GPC3: variants seen among roughly 807,000 people sequenced by gnomAD.
The protein encoded by GPC3 is glypican-3.
In GPC3, 3 loss-of-function variants were observed where a neutral mutation model predicts 34.4. The observed-to-expected ratio is 0.09, with a 90% confidence interval of 0.04 to 0.23. GPC3 has a LOEUF of 0.23. Among genes scored for constraint, GPC3 ranks in the 10% least tolerant of loss-of-function variants. GPC3 has a pLI of 1.00. For missense variants in GPC3, 351 were observed against 445.6 expected, an observed-to-expected ratio of 0.79 and a Z score of 1.91; for synonymous variants, 177 against 174.0, an observed-to-expected ratio of 1.02 and a Z score of -0.13.
intron 2 of GPC3, among the ~76,000 whole-genome samples, chrX:133,839,304 T>G (rs1461706029): frequency 2.7e-5 from 3 of 111,763 alleles, no homozygotes; most frequent in Non-Finnish European, 5.6e-5. Flanking sequence ...AAGCATGCCT[T>G]GCAGGAAGAC....
intron 2 of GPC3, among the ~76,000 whole-genome samples, chrX:133,800,524 T>C (rs2075604010): frequency 8.9e-6 from 1 of 112,055 alleles, no homozygotes; most frequent in South Asian, 3.8e-4. Flanking sequence ...AGGAGACGGG[T>C]AGTAACTTGA....
At chrX:133,835,975 TCACAGCCCA>T (rs2124547445) in intron 2 of GPC3, among the ~76,000 whole-genome samples, 1 of 112,858 alleles carries the variant, frequency 8.9e-6, no homozygotes, top group East Asian at 2.8e-4. Flanking sequence ...CCACAAAGTC[TCACAGCCCA>T]TCAGTGGCGG....
At chrX:133,773,586 G>A (rs1300258041) in intron 2 of GPC3, among the ~76,000 whole-genome samples, 1 of 111,697 alleles carries the variant, frequency 9.0e-6, no homozygotes, top group Admixed American at 9.5e-5. Context: ...ACTAGTGACA[G>A]TTATTTCTCC....
intron 2 of GPC3, among the ~76,000 whole-genome samples, chrX:133,824,059 TA>T (rs145090566): frequency 0.022 from 1,923 of 87,604 alleles, 25 homozygotes; most frequent in Middle Eastern, 0.031. Flanking sequence ...CTAAAAACAC[TA>T]AAAAAAAAAT....
chrX:133,945,236 C>A (rs753670501), intron 2 of GPC3, among the ~76,000 whole-genome samples: 2 of 110,954 alleles, frequency 1.8e-5, no homozygotes, highest in East Asian at 5.7e-4. Flanking sequence ...ACAAAAAATG[C>A]AAAAATTAGC....
chrX:133,740,785 A>G (rs1454671925), intron 3 of GPC3, among the ~76,000 whole-genome samples: 1 of 111,301 alleles, frequency 9.0e-6, no homozygotes, highest in Admixed American at 9.5e-5. Context: ...AGTATTTTTT[A>G]AATACTTTTA....
chrX:133,681,298 A>C (rs146602049), intron 5 of GPC3, among the ~76,000 whole-genome samples: 5,002 of 111,597 alleles, frequency 0.045, 290 homozygotes, highest in African/African-American at 0.15. Context: ...GGTAATGGAA[A>C]AGGCATTCAA....
chrX:133,607,770 C>T (rs756266879), intron 6 of GPC3, among the ~76,000 whole-genome samples: 1 of 112,476 alleles, frequency 8.9e-6, no homozygotes, highest in Non-Finnish European at 1.9e-5. Context: ...CAGGTACCAT[C>T]TTTCCCCACA....
intron 1 of GPC3, among the ~76,000 whole-genome samples, chrX:133,979,448 C>G (rs2076529218): frequency 8.9e-6 from 1 of 111,783 alleles, no homozygotes; most frequent in African/African-American, 3.3e-5. Context: ...ACAAGTATTT[C>G]TAATAATTAA....
intron 7 of GPC3, among the ~76,000 whole-genome samples, chrX:133,574,353 A>G (rs2069658198): frequency 9.4e-6 from 1 of 106,717 alleles, no homozygotes; most frequent in Non-Finnish European, 2.0e-5. Flanking sequence ...TATTGAGAAA[A>G]AAAGAGAGAG....
At chrX:133,661,572 C>CTT (rs2070718843) in intron 6 of GPC3, among the ~76,000 whole-genome samples, 158 bp downstream of exon 6, 3 of 4,783 alleles carry the variant, frequency 6.3e-4, no homozygotes, top group African/African-American at 8.4e-4. Context: ...CTCTCTTTCT[C>CTT]TCTCTCTCTC....
At chrX:133,741,930 A>T (rs942884531) in intron 3 of GPC3, among the ~76,000 whole-genome samples, 19 of 113,184 alleles carry the variant, frequency 1.7e-4, no homozygotes, top group Admixed American at 1.7e-3. Flanking sequence ...TACAATGTAT[A>T]GTAGGTAATT....
intron 2 of GPC3, among the ~76,000 whole-genome samples, chrX:133,885,550 C>T (rs2076058322): frequency 9.0e-6 from 1 of 111,272 alleles, no homozygotes; most frequent in African/African-American, 3.3e-5. Context: ...TTAAAAGCAG[C>T]AAGTTAGAGG....
intron 2 of GPC3, among the ~76,000 whole-genome samples, chrX:133,846,107 G>A (rs771939722): frequency 3.6e-5 from 4 of 112,095 alleles, no homozygotes; most frequent in South Asian, 3.7e-4. Context: ...CAGCAAGGAT[G>A]TTTGCCTCAC....
intron 2 of GPC3, among the ~76,000 whole-genome samples, chrX:133,811,596 C>T (rs1388855987): frequency 9.0e-6 from 1 of 111,512 alleles, no homozygotes; most frequent in Non-Finnish European, 1.9e-5. Context: ...TATTTATATT[C>T]TGCTTAATGG....
intron 2 of GPC3, among the ~76,000 whole-genome samples, chrX:133,847,318 T>G (rs1452923268): frequency 8.9e-6 from 1 of 111,908 alleles, no homozygotes. Flanking sequence ...TAAAAAAAAA[T>G]GCTTAAAAAG....
chrX:133,764,281 T>G (rs1266544770), intron 2 of GPC3, among the ~76,000 whole-genome samples: 1 of 111,002 alleles, frequency 9.0e-6, no homozygotes, highest in African/African-American at 3.3e-5. Flanking sequence ...GGTGGGGGTT[T>G]AAAAATTAAC....
chrX:133,812,345 A>C (rs2075669973), intron 2 of GPC3, among the ~76,000 whole-genome samples: 1 of 112,306 alleles, frequency 8.9e-6, no homozygotes, highest in African/African-American at 3.2e-5. Flanking sequence ...AATTGCTGTT[A>C]ATATTTAAAC....
chrX:133,983,166 T>G (rs1246000854), intron 1 of GPC3, among the ~76,000 whole-genome samples: 3 of 112,131 alleles, frequency 2.7e-5, no homozygotes, highest in Admixed American at 1.9e-4. Context: ...TTGGCTCCAG[T>G]GCAAGTCAGG....
Sources: gnomAD v4.1 joint callset for allele counts (sites outside exome capture counted in the v4.1 genomes callset) on GRCh38, gnomAD v4.1.1 for gene constraint, MANE v1.5 for transcripts, NCBI Gene and HGNC (gene_info 2026-07-23, HGNC 2026-07-21) for gene names.